Variants in MEGF8 observed in about 807,000 individuals in gnomAD.
MEGF8 encodes multiple epidermal growth factor-like domains protein 8.
MEGF8 carries 156 observed loss-of-function variants against 302.9 expected under a neutral mutation model. The ratio of observed to expected loss-of-function variants is 0.52; its 90% CI spans 0.45 to 0.59. MEGF8 has a LOEUF of 0.59. Among genes scored for constraint, MEGF8 ranks in the 20% least tolerant of loss-of-function variants. MEGF8 has a pLI of 0.00. For synonymous variants in MEGF8, 1,621 were observed against 1,660.5 expected, an observed-to-expected ratio of 0.98 and a Z score of 0.58; for missense variants, 3,345 against 3,964.5, an observed-to-expected ratio of 0.84 and a Z score of 4.20.
Position 42,358,194 on chromosome 19 carries a change from G to A in MEGF8, c.5062G>A (p.Val1688Met), listed in dbSNP as rs763848067. The change falls in exon 29 of 42, where the codon GTG becomes ATG. Residue 1688 changes from valine (V) to methionine (M), a missense_variant. Coordinates refer to ENST00000251268, the MANE Select transcript of MEGF8 (RefSeq NM_001271938.2). This position sits in a 1 kb window ranked among gnomAD's most constrained non-coding sequence, Gnocchi z 4.4. ...VYHEATDSLY[V>M]FGGFRFHVEL... Reference sequence around the variant, plus strand: ...CCACGAGGCCACCGACTCCCTCTACGTGTTTGGGGGGTTCCGATTCCATGT... The same window carrying A: ...CCACGAGGCCACCGACTCCCTCTACATGTTTGGGGGGTTCCGATTCCATGT... The A allele has an allele frequency of 8.1e-6, 13 of 1,602,662 alleles. No homozygotes were observed. Among genetic ancestry groups the A allele is most frequent in the Non-Finnish European group, 1.1e-5 (13 of 1,175,072 alleles).
At chr19:42,355,018 G>A (rs554285088) in intron 23 of MEGF8, among the ~76,000 whole-genome samples, 5 of 152,244 alleles carry the variant, frequency 3.3e-5, no homozygotes, top group South Asian at 2.1e-4. Context: ...GTGTAGTAGC[G>A]CAATCTCAGC....
Position 42,344,961 on chromosome 19 carries a change from C to T in MEGF8, c.2097+128C>T, listed in dbSNP as rs2039268334. On this transcript the variant is annotated intron_variant, in intron 12 of 41. Transcript: ENST00000251268. The surrounding 1 kb of genome is among the most constrained non-coding windows in gnomAD (Gnocchi z 4.5). ...TCTTTACATTCAAGGGTCTTATTTTCCTTATGGACTTTATTTTTTATTTTT... is the reference window on the plus strand; with the variant it reads ...TCTTTACATTCAAGGGTCTTATTTTTCTTATGGACTTTATTTTTTATTTTT... 1 of 1,042,432 alleles carries T rather than the reference C, an allele frequency of 9.6e-7. No homozygotes were observed. The highest frequency in any genetic ancestry group is 1.7e-5 in the African/African-American group (1 of 60,578). 64.6% of individuals were successfully genotyped at this position (1,042,432 alleles called of 1,614,324 possible).
chr19:42,338,991 A>G (rs531662793), intron 8 of MEGF8, among the ~76,000 whole-genome samples: 3 of 150,626 alleles, frequency 2.0e-5, no homozygotes, highest in Non-Finnish European at 3.0e-5. Flanking sequence ...CTACCACCAC[A>G]GCCGGCTAAT....
In MEGF8 at chr19:42,356,256, C is replaced by T. The variant is rs1023131220; in HGVS notation, c.4503+63C>T. The T allele has an allele frequency of 1.6e-5, 25 of 1,527,108 alleles. No individual in the cohort carries two copies. The highest frequency in any genetic ancestry group is 2.1e-5 in the Admixed American group (1 of 48,384). 94.6% of individuals were successfully genotyped at this position (1,527,108 alleles called of 1,614,324 possible). ...CCCAGGTCGTTCTCCCACCTCCATT[C>T]CTGGGACCACCCCTACACCCAGGCC... On this transcript the variant is annotated intron_variant, in intron 25 of 41. Coordinates refer to ENST00000251268, the MANE Select transcript of MEGF8 (RefSeq NM_001271938.2). This position sits in a 1 kb window ranked among gnomAD's most constrained non-coding sequence, Gnocchi z 5.2.
chr19:42,348,712 G>T (rs1202677073), intron 13 of MEGF8, among the ~76,000 whole-genome samples: 1 of 152,176 alleles, frequency 6.6e-6, no homozygotes, highest in Admixed American at 6.5e-5. Flanking sequence ...CAATTCTTCT[G>T]CCTCAGCCTC....
At chr19:42,331,544 C>T (rs1252221212) in intron 1 of MEGF8, among the ~76,000 whole-genome samples, 2 of 151,490 alleles carry the variant, frequency 1.3e-5, no homozygotes, top group South Asian at 2.1e-4. Flanking sequence ...GCACTCTCCA[C>T]GATATGTGGG....
rs1272621960 is a variant in MEGF8, at chr19:42,352,237, T to C, written c.3131T>C (p.Leu1044Pro). 1.3e-6 allele frequency: 2 copies of C among 1,553,666 alleles called. No homozygotes were observed. Among genetic ancestry groups the C allele is most frequent in the African/African-American group, 1.4e-5 (1 of 73,586 alleles). The change falls in exon 19 of 42, where the codon CTC becomes CCC. Residue 1044 changes from leucine to proline, a missense_variant. Physicochemically the swap from Leu to Pro is moderately conservative, Grantham distance 98 (BLOSUM62 -3). Coordinates refer to ENST00000251268, the MANE Select transcript of MEGF8 (RefSeq NM_001271938.2). This position sits in a 1 kb window ranked among gnomAD's most constrained non-coding sequence, Gnocchi z 4.4. ...CTACAGGGGGACTTCTCAGGGCCCC[T>C]CGGTGGGGGTAACTGCTCCCTGTGG... is the stretch of plus-strand genomic sequence containing the variant. ...RCLQGDFSGP[L>P]GGGNCSLWVG... is the part of the protein sequence containing the mutation.
At chr19:42,359,307 G>A in intron 31 of MEGF8, 65 bp downstream of exon 31, 1 of 1,441,334 alleles carries the variant, frequency 6.9e-7, no homozygotes, top group Non-Finnish European at 9.2e-7. Flanking sequence ...TCCCCATCCT[G>A]GGACTCCCAC....
intron 3 of MEGF8, 70 bp from the exon 4 acceptor site, chr19:42,334,963 CTG>C (rs1022959419): frequency 3.4e-6 from 5 of 1,454,860 alleles, no homozygotes; most frequent in African/African-American, 2.8e-5. Context: ...CTTTTCCTCT[CTG>C]TGTCTCCTTT....
intron 1 of MEGF8, among the ~76,000 whole-genome samples, chr19:42,332,325 G>GTC (rs2039065495): frequency 6.6e-6 from 1 of 152,220 alleles, no homozygotes. Flanking sequence ...GGGACTGTCA[G>GTC]CCGGAATGCC....
In MEGF8 at chr19:42,358,831, C is replaced by A; in HGVS notation, c.5220C>A (p.Gly1740=). The A allele has an allele frequency of 6.3e-7, 1 of 1,598,508 alleles. No homozygotes were observed. Among genetic ancestry groups the A allele is most frequent in the Non-Finnish European group, 8.5e-7 (1 of 1,173,282 alleles). ...RNVRGSSRGL[G]QVPGEQPGSW... ...TGCGTGGCTCATCTCGGGGTCTGGG[C>A]CAAGTTCCTGGGGAGCAGCCTGGGT... The change falls in exon 30 of 42, where the codon GGC becomes GGA. Residue 1740 remains glycine (G), a synonymous_variant. Coordinates refer to ENST00000251268, the MANE Select transcript of MEGF8 (RefSeq NM_001271938.2). This position sits in a 1 kb window ranked among gnomAD's most constrained non-coding sequence, Gnocchi z 4.4.
rs1316828326 is a variant in MEGF8, at chr19:42,369,289, A to G, written c.6642-242A>G. 2.0e-5 allele frequency among the ~76,000 whole-genome samples: 3 copies of G among 152,322 alleles called. No homozygotes were observed. In the East Asian group the frequency reaches 5.8e-4, roughly 29 times the overall value. On this transcript the variant is annotated intron_variant, in intron 37 of 41. Coordinates refer to ENST00000251268, the MANE Select transcript of MEGF8 (RefSeq NM_001271938.2). This position sits in a 1 kb window ranked among gnomAD's most constrained non-coding sequence, Gnocchi z 5.7. ...AAGGCCAGGAGTTCGAGACCAGTCC[A>G]CAGGGAGACCCCATCTCTACAAAAA...
intron 41 of MEGF8, among the ~76,000 whole-genome samples, chr19:42,374,114 A>G (rs1395535829): frequency 6.6e-6 from 1 of 152,116 alleles, no homozygotes; most frequent in Non-Finnish European, 1.5e-5. Context: ...CAGCATAGAT[A>G]TGAAAGGCTT....
intron 33 of MEGF8, 60 bp from the exon 34 acceptor site, chr19:42,362,324 G>C (rs367758004): frequency 6.2e-7 from 1 of 1,611,586 alleles, no homozygotes. Flanking sequence ...GAACCACCGA[G>C]TTCTCAGCTG....
At chr19:42,347,777 ATTC>A (rs761317186) in intron 12 of MEGF8, among the ~76,000 whole-genome samples, 76 of 150,072 alleles carry the variant, frequency 5.1e-4, no homozygotes, top group Admixed American at 9.3e-4. Context: ...CCCAGCCTTC[ATTC>A]TTCTTTTTTT....
chr19:42,364,282 C>T (rs2039573789), intron 35 of MEGF8, among the ~76,000 whole-genome samples: 1 of 152,146 alleles, frequency 6.6e-6, no homozygotes, highest in African/African-American at 2.4e-5. Flanking sequence ...CAGACAAAGG[C>T]ATTCGCACCC....
rs886487812 is a variant in MEGF8, at chr19:42,376,829, G to A, written c.*54G>A. ...TGGGTCACCTGATAGGGCCGCCCTG[G>A]ACTTGGGGTCCCTCCACCTGGGGGC... On this transcript the variant is annotated 3_prime_UTR_variant, in exon 42 of 42. Coordinates refer to ENST00000251268, the MANE Select transcript of MEGF8 (RefSeq NM_001271938.2). The surrounding 1 kb of genome is among the most constrained non-coding windows in gnomAD (Gnocchi z 8.2). 20 of 1,411,084 alleles carry A rather than the reference G, an allele frequency of 1.4e-5. 1 individual carries two copies. The African/African-American group carries it at 2.6e-4, about 19-fold the overall frequency. The allele number at this position is 1,411,084 out of a possible 1,614,324, so 87.4% of individuals were successfully genotyped here.
rs750958421 is a variant in MEGF8 at position 42,368,563 on chromosome 19, G to A, written c.6382G>A (p.Ala2128Thr). 12 of 1,594,240 alleles carry A rather than the reference G, an allele frequency of 7.5e-6. No homozygotes were observed. The highest frequency in any genetic ancestry group is 4.5e-5 in the South Asian group (4 of 88,136). The change falls in exon 36 of 42, where the codon GCC (alanine) becomes ACC (threonine). Residue 2128 changes from alanine (A) to threonine (T), a missense_variant. Transcript: ENST00000251268. The surrounding 1 kb of genome is among the most constrained non-coding windows in gnomAD (Gnocchi z 4.9). ...SLGCAQATQC[A>T]LCLRRPHCGW... ...GGGCTGTGCTCAGGCAACTCAGTGC[G>A]CCTTGTGCCTGCGGCGCCCCCATTG...
chr19:42,364,783 C>T (rs535378530), intron 35 of MEGF8, among the ~76,000 whole-genome samples: 1 of 152,322 alleles, frequency 6.6e-6, no homozygotes, highest in Admixed American at 6.5e-5. Context: ...TCTCCAAGAC[C>T]TCAGGGAGAG....
Sources: allele counts gnomAD v4.1 joint callset (sites outside exome capture counted in the v4.1 genomes callset), GRCh38; gene constraint gnomAD v4.1.1; non-coding constraint Gnocchi (gnomAD v3.1); transcripts MANE v1.5; gene names NCBI Gene and HGNC (gene_info 2026-07-23, HGNC 2026-07-21).